The following ADCY5 variants were observed in gnomAD, a reference collection of about 807,000 sequenced individuals.
ADCY5 encodes adenylate cyclase 5.
A neutral mutation model predicts 119.7 loss-of-function variants in ADCY5; 30 were observed. That is an observed-to-expected ratio of 0.25 (90% CI 0.19 to 0.34). ADCY5 has a LOEUF of 0.34. Among genes scored for constraint, ADCY5 ranks in the 10% least tolerant of loss-of-function variants. ADCY5 has a pLI of 1.00. For missense variants in ADCY5, 1,324 were observed against 1,775.2 expected, an observed-to-expected ratio of 0.75 and a Z score of 4.57; for synonymous variants, 753 against 762.2, an observed-to-expected ratio of 0.99 and a Z score of 0.20.
At chr3:123,324,869 T>G (rs1213395801) in intron 8 of ADCY5, among the ~76,000 whole-genome samples, 1 of 152,186 alleles carries the variant, frequency 6.6e-6, no homozygotes, top group Admixed American at 6.5e-5. Flanking sequence ...ACTAGGATAG[T>G]TTCTGAGCAA....
chr3:123,436,186 G>A (rs1945613007), intron 1 of ADCY5, among the ~76,000 whole-genome samples: 1 of 151,742 alleles, frequency 6.6e-6, no homozygotes, highest in African/African-American at 2.4e-5. Flanking sequence ...CACTGCACCT[G>A]GCCAAGACCC....
intron 1 of ADCY5, among the ~76,000 whole-genome samples, chr3:123,446,805 T>C (rs1945824352): frequency 6.6e-6 from 1 of 152,188 alleles, no homozygotes; most frequent in South Asian, 2.1e-4. Context: ...TCCTTCCCAC[T>C]TTAGCGAAGG....
At chr3:123,394,334 G>T (rs1371357651) in intron 1 of ADCY5, among the ~76,000 whole-genome samples, 1 of 152,078 alleles carries the variant, frequency 6.6e-6, no homozygotes, top group Admixed American at 6.5e-5. Context: ...CATTGTTTTT[G>T]AACGAATTTT....
chr3:123,367,945 G>T (rs375785544), intron 1 of ADCY5: 42 of 1,535,704 alleles, frequency 2.7e-5, no homozygotes, highest in Admixed American at 1.4e-4. Flanking sequence ...CATGTCTTCC[G>T]TGGGACAGGC....
At chr3:123,347,272 A>G (rs1371899119) in intron 3 of ADCY5, among the ~76,000 whole-genome samples, 1 of 152,180 alleles carries the variant, frequency 6.6e-6, no homozygotes, top group East Asian at 1.9e-4. Context: ...TAAATAGCAT[A>G]CATGAGCCAT....
At chr3:123,303,584 C>T (rs533028578) in intron 13 of ADCY5, among the ~76,000 whole-genome samples, 10 of 152,160 alleles carry the variant, frequency 6.6e-5, no homozygotes, top group Admixed American at 2.0e-4. Context: ...GGCCGAGGCC[C>T]GCGGATCACT....
At position 123,352,483 on chromosome 3, in the gene ADCY5, G is replaced by T. The variant is rs767807294; in HGVS notation, c.1233C>A (p.Thr411=). The stretch of plus-strand genomic sequence containing the variant: ...GGAGCCGCGCCTGGATGCACTCTCG[G>T]GTCTCCTGGAAAGCCTGTCTCTGGG... ...EVSQRQAFQE[T]RECIQARLHS... is the part of the protein sequence containing the mutation. The change falls in exon 2 of 21, where the codon ACC becomes ACA. Residue 411 remains threonine, a synonymous_variant. Coordinates refer to ENST00000462833, the MANE Select transcript of ADCY5 (RefSeq NM_183357.3). This position sits in a 1 kb window ranked among gnomAD's most constrained non-coding sequence, Gnocchi z 4.8. 6.2e-7 allele frequency: 1 copy of T among 1,613,994 alleles called. No homozygotes were observed. Among genetic ancestry groups the T allele is most frequent in the Non-Finnish European group, 8.5e-7 (1 of 1,179,966 alleles).
At chr3:123,294,613 A>C (rs1198489106) in intron 17 of ADCY5, among the ~76,000 whole-genome samples, 1 of 152,156 alleles carries the variant, frequency 6.6e-6, no homozygotes, top group African/African-American at 2.4e-5. Flanking sequence ...GTTCTTTAAG[A>C]TTGGCAAGGA....
rs551090189 is a variant in ADCY5, at chr3:123,447,621, C to T, written c.925G>A (p.Val309Met). ...AGGCCCACCACCTGGACGGCCAGCA[C>T]CACGGCGATGAGCGCATAGCAGGCC... The part of the protein sequence containing the change: ...GLACYALIAV[V>M]LAVQVVGLLL... Residue 309 changes from valine (V) to methionine (M), a missense_variant, in exon 1 of 21, where the codon GTG becomes ATG. Val to Met is a conservative substitution (Grantham distance 21). Around this residue, in one of 6 missense-constraint regions of ADCY5, gnomAD observed 585 missense variants for 569.9 expected, o/e 1.03. Coordinates refer to ENST00000462833, the MANE Select transcript of ADCY5 (RefSeq NM_183357.3). 9.3e-6 allele frequency: 15 copies of T among 1,608,004 alleles called. No individual in the cohort carries two copies. In the South Asian group the frequency reaches 1.5e-4, roughly 17 times the overall value.
In ADCY5 at chr3:123,300,147, G is replaced by A; in HGVS notation, c.2873C>T (p.Ala958Val). 6.2e-7 allele frequency: 1 copy of A among 1,613,902 alleles called. No individual in the cohort carries two copies. Among genetic ancestry groups the A allele is most frequent in the Non-Finnish European group, 8.5e-7 (1 of 1,180,040 alleles). Residue 958 changes from alanine (A) to valine (V), a missense_variant, in exon 15 of 21, where the codon GCC (alanine) becomes GTC (valine). Around this residue, in one of 6 missense-constraint regions of ADCY5, gnomAD observed 424 missense variants for 546.8 expected, o/e 0.78. Transcript: ENST00000462833. ...EVPGVTLFDN[A>V]DLLVTANAID... ...GGCGTTGGCGGTGACCAGCAGGTCG[G>A]CGTTGTCGAAGAGCGTGACACCTGG... is the stretch of plus-strand genomic sequence containing the variant.
At chr3:123,346,662 T>A (rs1942582322) in intron 3 of ADCY5, among the ~76,000 whole-genome samples, 1 of 151,820 alleles carries the variant, frequency 6.6e-6, no homozygotes, top group South Asian at 2.1e-4. Context: ...TGTGTGTGTG[T>A]GTGAGAGAGA....
At chr3:123,376,310 G>A (rs1362250455) in intron 1 of ADCY5, among the ~76,000 whole-genome samples, 3 of 138,862 alleles carry the variant, frequency 2.2e-5, no homozygotes, top group East Asian at 2.3e-4. Flanking sequence ...AAAGGCCTGC[G>A]TGGAGTCCCA....
At chr3:123,311,114 G>A (rs900166463) in intron 12 of ADCY5, among the ~76,000 whole-genome samples, 3 of 152,240 alleles carry the variant, frequency 2.0e-5, no homozygotes, top group African/African-American at 7.2e-5. Context: ...ATGAAATAGA[G>A]AAAGAGACTG....
chr3:123,427,474 G>A (rs781396902), intron 1 of ADCY5, among the ~76,000 whole-genome samples: 8 of 152,098 alleles, frequency 5.3e-5, no homozygotes, highest in Non-Finnish European at 1.2e-4. Flanking sequence ...CCATGCCTTC[G>A]CTCCTGCTGT....
chr3:123,355,800 A>G (rs1344730566), intron 1 of ADCY5, among the ~76,000 whole-genome samples: 2 of 152,208 alleles, frequency 1.3e-5, no homozygotes, highest in East Asian at 3.8e-4. Flanking sequence ...ATTTTCCCCA[A>G]ATTGATACAC....
At chr3:123,293,418 C>G (rs1939292074) in intron 17 of ADCY5, among the ~76,000 whole-genome samples, 1 of 152,186 alleles carries the variant, frequency 6.6e-6, no homozygotes, top group African/African-American at 2.4e-5. Context: ...GCTCCCTCTC[C>G]CAAAATCCCA....
chr3:123,330,820 GGTCA>G, intron 5 of ADCY5, 65 bp downstream of exon 5: 1 of 1,501,726 alleles, frequency 6.7e-7, no homozygotes, highest in South Asian at 1.4e-5. Flanking sequence ...GCAGCCGGCA[GGTCA>G]GTCAGTCGCT....
chr3:123,303,291 A>C, intron 13 of ADCY5, 72 bp from the exon 14 acceptor site: 3 of 1,492,894 alleles, frequency 2.0e-6, no homozygotes, highest in Non-Finnish European at 2.7e-6. Context: ...CCAGCCCACC[A>C]GGCCGCAGGC....
chr3:123,370,116 A>G (rs1454848236), intron 1 of ADCY5, among the ~76,000 whole-genome samples: 1 of 152,206 alleles, frequency 6.6e-6, no homozygotes, highest in Non-Finnish European at 1.5e-5. Flanking sequence ...ATAGAAGACT[A>G]TAAAAACAGC....
Sources: allele counts gnomAD v4.1 joint callset (sites outside exome capture counted in the v4.1 genomes callset), GRCh38; gene constraint gnomAD v4.1.1; regional missense constraint gnomAD v4.1.1; non-coding constraint Gnocchi (gnomAD v3.1); transcripts MANE v1.5; gene names NCBI Gene and HGNC (gene_info 2026-07-23, HGNC 2026-07-21).